The following SLCO5A1 variants were observed in gnomAD, a reference collection of about 807,000 sequenced individuals.
SLCO5A1 encodes the protein organic anion transporter polypeptide-related protein 4.
In SLCO5A1, 39 loss-of-function variants were observed where a neutral mutation model predicts 65.1. The ratio of observed to expected loss-of-function variants is 0.60; its 90% confidence interval spans 0.46 to 0.78. The LOEUF (loss-of-function observed/expected upper bound fraction) is 0.78. Ranked by LOEUF, SLCO5A1 falls within the 30% of genes least tolerant of loss-of-function variation. The probability of loss-of-function intolerance (pLI) is 0.00; values close to 1 mark genes in which losing one functional copy is unlikely to be tolerated. For synonymous variants in SLCO5A1, 438 were observed against 415.7 expected, an observed-to-expected ratio of 1.05 and a Z score of -0.65; for missense variants, 1,029 against 1,069.4, an observed-to-expected ratio of 0.96 and a Z score of 0.53.
intron 5 of SLCO5A1, among the ~76,000 whole-genome samples, chr8:69,716,782 CTT>C (rs61059795): frequency 2.4e-3 from 340 of 142,980 alleles, no homozygotes; most frequent in Middle Eastern, 0.011. Flanking sequence ...TGTGTTTTTC[CTT>C]TTTTTTTTTT....
intron 5 of SLCO5A1, among the ~76,000 whole-genome samples, chr8:69,722,805 G>A (rs927548291): frequency 2.6e-5 from 4 of 151,650 alleles, no homozygotes. Context: ...GTGTGTGTGT[G>A]TGAATATTTG....
intron 4 of SLCO5A1, among the ~76,000 whole-genome samples, chr8:69,754,477 C>G (rs570706895): frequency 2.0e-5 from 3 of 152,164 alleles, no homozygotes; most frequent in South Asian, 4.1e-4. Flanking sequence ...ACAGTCAAAA[C>G]GAGATGATAA....
intron 2 of SLCO5A1, among the ~76,000 whole-genome samples, chr8:69,788,569 C>G (rs1486126070): frequency 6.6e-6 from 1 of 152,056 alleles, no homozygotes; most frequent in Non-Finnish European, 1.5e-5. Context: ...ACATATTACT[C>G]TAAGAATTAC....
At chr8:69,811,739 C>T (rs1190445654) in intron 2 of SLCO5A1, among the ~76,000 whole-genome samples, 2 of 152,184 alleles carry the variant, frequency 1.3e-5, no homozygotes, top group Admixed American at 6.5e-5. Context: ...GTAATGACAG[C>T]CCACATTTTT....
chr8:69,815,171 G>C (rs116046443), intron 2 of SLCO5A1, among the ~76,000 whole-genome samples: 11 of 152,116 alleles, frequency 7.2e-5, no homozygotes, highest in Non-Finnish European at 1.6e-4. Context: ...CCATAAAAAG[G>C]TTAAGTATTT....
chr8:69,704,152 C>T lies in SLCO5A1; in HGVS notation c.1622+879G>A, dbSNP rs1814867305. Among the ~76,000 whole-genome samples the T allele has an allele frequency of 1.3e-5, 2 of 152,182 alleles. 1 individual carries two copies. Among genetic ancestry groups the T allele is most frequent in the African/African-American group, 4.8e-5 (2 of 41,448 alleles). ...CCAGTCTCAAGTTATTCTCCTGCGT[C>T]AGCCTCCCCCAAGTGCTGGGGTTAC... On this transcript the variant is annotated intron_variant, in intron 6 of 9. Transcript: ENST00000260126.
In SLCO5A1 at chr8:69,680,733, T is replaced by C. The variant is rs190583652; in HGVS notation, c.1783-1114A>G. Among the ~76,000 whole-genome samples, 55 of 152,362 alleles carry C rather than the reference T, an allele frequency of 3.6e-4. No homozygotes were observed. The East Asian group carries it at 8.9e-3, about 25-fold the overall frequency. ...GCTTTCCACGGTGTCTAAGTTAATA[T>C]ACATTCTGGTGCTTCCATTTTTAAA... On this transcript the variant is annotated intron_variant, in intron 7 of 9. Transcript: ENST00000260126.
intron 2 of SLCO5A1, among the ~76,000 whole-genome samples, chr8:69,831,294 G>T (rs1037572178): frequency 2.0e-5 from 3 of 151,690 alleles, no homozygotes; most frequent in Admixed American, 6.6e-5. Flanking sequence ...AGAAACACAG[G>T]TATGAAGGCA....
intron 2 of SLCO5A1, among the ~76,000 whole-genome samples, chr8:69,815,618 C>G (rs1223867300): frequency 1.3e-5 from 2 of 149,904 alleles, no homozygotes; most frequent in African/African-American, 4.9e-5. Context: ...TTCCTAAAGG[C>G]ACCACAACTA....
At chr8:69,761,267 G>C (rs146227061) in intron 3 of SLCO5A1, 1 of 164,456 alleles carries the variant, frequency 6.1e-6, no homozygotes, top group Non-Finnish European at 1.3e-5. Context: ...TCACAGTTCT[G>C]GAGGTCAGAA....
intron 2 of SLCO5A1, among the ~76,000 whole-genome samples, chr8:69,780,057 A>G (rs1030767142): frequency 1.3e-5 from 2 of 152,170 alleles, no homozygotes; most frequent in African/African-American, 4.8e-5. Context: ...AAAATGCTCA[A>G]CATCATTAAT....
chr8:69,754,172 A>C (rs1386471146), intron 4 of SLCO5A1, among the ~76,000 whole-genome samples: 1 of 152,168 alleles, frequency 6.6e-6, no homozygotes, highest in Non-Finnish European at 1.5e-5. Flanking sequence ...ATGGGAAGAG[A>C]TCAGGCCATG....
intron 6 of SLCO5A1, among the ~76,000 whole-genome samples, chr8:69,691,900 A>C (rs1814276921): frequency 6.6e-6 from 1 of 152,230 alleles, no homozygotes; most frequent in African/African-American, 2.4e-5. Flanking sequence ...ACCATAGGCA[A>C]TTACAACACA....
intron 2 of SLCO5A1, among the ~76,000 whole-genome samples, chr8:69,772,572 A>AGGAAAGGAAT (rs1314317025): frequency 1.0e-4 from 7 of 69,364 alleles, no homozygotes; most frequent in African/African-American, 3.1e-4. Flanking sequence ...GAGAAAGGAA[A>AGGAAAGGAAT]GGAAAGGAAA....
chr8:69,777,029 A>G (rs1232556865), intron 2 of SLCO5A1, among the ~76,000 whole-genome samples: 1 of 152,248 alleles, frequency 6.6e-6, no homozygotes. Context: ...AAACATATAC[A>G]TATCACTTGA....
At chr8:69,731,400 C>A (rs1031441852) in intron 5 of SLCO5A1, among the ~76,000 whole-genome samples, 4 of 152,214 alleles carry the variant, frequency 2.6e-5, no homozygotes, top group African/African-American at 9.6e-5. Context: ...ATGTAGTATC[C>A]TTTCCTGCAA....
At chr8:69,744,497 C>A (rs552457360) in intron 4 of SLCO5A1, among the ~76,000 whole-genome samples, 1 of 152,320 alleles carries the variant, frequency 6.6e-6, no homozygotes, top group East Asian at 1.9e-4. Flanking sequence ...GTCTAGGGGG[C>A]TCCCTCTCTG....
chr8:69,688,520 T>A (rs35205902), intron 6 of SLCO5A1, among the ~76,000 whole-genome samples: 6,009 of 151,624 alleles, frequency 0.04, 233 homozygotes, highest in African/African-American at 0.097. Flanking sequence ...CAGAGTGTGA[T>A]GTTCCCCTTC....
chr8:69,713,656 T>C (rs1392355228), intron 5 of SLCO5A1: 2 of 152,214 alleles, frequency 1.3e-5, no homozygotes, highest in Non-Finnish European at 2.9e-5. Flanking sequence ...TATGCAAGCC[T>C]TATGTCATAA....
Sources: allele counts gnomAD v4.1 joint callset (sites outside exome capture counted in the v4.1 genomes callset), GRCh38; gene constraint gnomAD v4.1.1; transcripts MANE v1.5; gene names NCBI Gene and HGNC (gene_info 2026-07-23, HGNC 2026-07-21).